The following MYLK2 variants were observed in gnomAD, a reference collection of about 807,000 sequenced individuals.
MYLK2 encodes myosin light chain kinase 2.
MYLK2 carries 27 observed loss-of-function variants against 58.2 expected under a neutral mutation model. That is an observed-to-expected ratio of 0.46 (90% CI 0.34 to 0.64). MYLK2 has a LOEUF of 0.64. Among genes scored for constraint, MYLK2 ranks in the 30% least tolerant of loss-of-function variants. The pLI, the probability that MYLK2 is intolerant of heterozygous loss-of-function variation, is 0.01. For missense variants in MYLK2, 676 were observed against 764.3 expected (o/e 0.88, Z 1.36); for synonymous variants, 310 against 296.7 (o/e 1.04, Z -0.46).
chr20:31,821,760 C>T (rs1453585872), intron 4 of MYLK2, 23 bp downstream of exon 4: 10 of 1,523,390 alleles, frequency 6.6e-6, no homozygotes, highest in Non-Finnish European at 8.1e-6. Flanking sequence ...CAGGTGGGGG[C>T]TGGGGCTGCC....
intron 6 of MYLK2, among the ~76,000 whole-genome samples, chr20:31,825,492 G>A (rs930359403): frequency 6.6e-6 from 1 of 152,068 alleles, no homozygotes; most frequent in Non-Finnish European, 1.5e-5. Flanking sequence ...ATGCTACAGT[G>A]GAGGGAGAGA....
intron 8 of MYLK2, chr20:31,827,381 C>G (rs2062286112): frequency 2.2e-5 from 22 of 985,276 alleles, no homozygotes; most frequent in Non-Finnish European, 2.7e-5. Flanking sequence ...AGGCAATGCT[C>G]TAGGTGGTGG....
intron 8 of MYLK2, 90 bp from the exon 9 acceptor site, chr20:31,830,729 C>T (rs1029479045): frequency 2.0e-5 from 27 of 1,368,666 alleles, no homozygotes; most frequent in Non-Finnish European, 2.8e-5. Context: ...TGGGCCTCTG[C>T]CTCAAGGAGC....
chr20:31,831,771 A>C lies in MYLK2; in HGVS notation c.1493A>C (p.Asn498Thr). The C allele has an allele frequency of 6.2e-7, 1 of 1,614,100 alleles. No homozygotes were observed. ...TETLNNVLSGNWYFDEETFEA... is the reference protein window; with the variant it reads ...TETLNNVLSGTWYFDEETFEA... ...ACCCTAAACAACGTTCTATCTGGCA[A>C]CTGGTACTTTGATGAAGAGACCTTT... Residue 498 changes from asparagine to threonine, a missense_variant, in exon 11 of 13, where the codon AAC (asparagine) becomes ACC (threonine). Around this residue, in one of 2 missense-constraint regions of MYLK2, gnomAD observed 370 missense variants for 467.8 expected, o/e 0.79. Coordinates refer to ENST00000375985, the MANE Select transcript of MYLK2 (RefSeq NM_033118.4).
chr20:31,822,627 T>C (rs549544547), intron 4 of MYLK2, among the ~76,000 whole-genome samples: 107 of 150,990 alleles, frequency 7.1e-4, no homozygotes, highest in African/African-American at 2.6e-3. Context: ...TGAGATGGGG[T>C]CAGGAGAACC....
chr20:31,828,736 T>A, intron 8 of MYLK2: 1 of 985,154 alleles, frequency 1.0e-6, no homozygotes, highest in African/African-American at 1.7e-5. Context: ...TGCCCGACAC[T>A]GTCTGAGTGA....
At chr20:31,828,473 T>A in intron 8 of MYLK2, 1 of 985,222 alleles carries the variant, frequency 1.0e-6, no homozygotes, top group Non-Finnish European at 1.2e-6. Context: ...GCTGGGTACC[T>A]GCTCCTGGAA....
In MYLK2 at chr20:31,830,852, C is replaced by T. The variant is rs1197816369; in HGVS notation, c.1258C>T (p.His420Tyr). 1 of 1,499,216 alleles carries T rather than the reference C, an allele frequency of 6.7e-7. No homozygotes were observed. The highest frequency in any genetic ancestry group is 9.0e-7 in the Non-Finnish European group (1 of 1,109,440). 92.9% of individuals were successfully genotyped at this position (1,499,216 alleles called of 1,614,324 possible). A position where few individuals can be genotyped will look rare whatever the true frequency, so the allele number is the denominator to read the frequency against. Residue 420 changes from histidine to tyrosine, a missense_variant, in exon 9 of 13, where the codon CAT becomes TAT. This residue lies in a region of MYLK2 where 370 missense variants were observed against 467.8 expected (regional missense o/e 0.79). Coordinates refer to ENST00000375985, the MANE Select transcript of MYLK2 (RefSeq NM_033118.4). ...CATCCTGTGTGTCAACACCACCGGG[C>T]ATTTGGTGAAGATCATTGACTTTGG... is the stretch of plus-strand genomic sequence containing the variant. The part of the protein sequence containing the change: ...ENILCVNTTG[H>Y]LVKIIDFGLA...
chr20:31,822,484 C>A (rs999527568), intron 4 of MYLK2, among the ~76,000 whole-genome samples: 1 of 152,126 alleles, frequency 6.6e-6, no homozygotes, highest in Non-Finnish European at 1.5e-5. Context: ...TGTGGAGTGG[C>A]CTTCATTGAT....
intron 6 of MYLK2, among the ~76,000 whole-genome samples, chr20:31,825,854 A>G (rs1246875645): frequency 6.6e-6 from 1 of 152,212 alleles, no homozygotes; most frequent in Non-Finnish European, 1.5e-5. Flanking sequence ...TATAGCCGAT[A>G]TATCAGCCTA....
intron 12 of MYLK2, 88 bp downstream of exon 12, chr20:31,832,224 G>T: frequency 6.5e-7 from 1 of 1,538,992 alleles, no homozygotes. Flanking sequence ...TCCCTGCCTT[G>T]GCAGGTTCTG....
At chr20:31,827,340 AC>A (rs1348311801) in intron 8 of MYLK2, 1 of 985,152 alleles carries the variant, frequency 1.0e-6, no homozygotes, top group African/African-American at 1.7e-5. Flanking sequence ...TTCAAAAGCA[AC>A]AAATATTTCT....
intron 12 of MYLK2, 77 bp downstream of exon 12, chr20:31,832,213 G>A (rs1272238997): frequency 4.8e-5 from 74 of 1,552,396 alleles, no homozygotes; most frequent in East Asian, 7.0e-5. Flanking sequence ...AGCCTCCACC[G>A]TCCCTGCCTT....
Position 31,820,427 on chromosome 20 carries a change from A to G in MYLK2, c.354A>G (p.Ser118=), listed in dbSNP as rs1321078642. Residue 118 remains serine (S), a synonymous_variant, in exon 3 of 13, where the codon TCA becomes TCG. Transcript: ENST00000375985. ...VKKPKAEQGA[S]GSQDPGKPRV... The stretch of plus-strand genomic sequence containing the variant: ...AGCCCAAGGCTGAGCAGGGAGCCTC[A>G]GGCAGCCAGGATCCTGGAAAGCCCA... The G allele has an allele frequency of 6.2e-7, 1 of 1,612,826 alleles. No individual in the cohort carries two copies. The highest frequency in any genetic ancestry group is 8.5e-7 in the Non-Finnish European group (1 of 1,179,924).
At chr20:31,825,029 G>A (rs539774709) in intron 6 of MYLK2, among the ~76,000 whole-genome samples, 20 of 152,290 alleles carry the variant, frequency 1.3e-4, no homozygotes, top group African/African-American at 4.6e-4. Context: ...GAAGGCAGGG[G>A]CAGAGTTTCA....
chr20:31,822,530 G>A (rs932191581), intron 4 of MYLK2, among the ~76,000 whole-genome samples: 1 of 152,166 alleles, frequency 6.6e-6, no homozygotes, highest in African/African-American at 2.4e-5. Context: ...TTCATGGGCT[G>A]CAGAGAGCAC....
intron 6 of MYLK2, chr20:31,824,609 C>G (rs2062269553): frequency 1.1e-6 from 1 of 948,556 alleles, no homozygotes; most frequent in Non-Finnish European, 1.3e-6. Flanking sequence ...TTCATGCCCT[C>G]TGGTTCAATT....
Position 31,824,276 on chromosome 20 carries a change from T to C in MYLK2, c.896T>C (p.Val299Ala). 10 of 1,613,590 alleles carry C rather than the reference T, an allele frequency of 6.2e-6. No homozygotes were observed. Among genetic ancestry groups the C allele is most frequent in the Non-Finnish European group, 8.5e-6 (10 of 1,179,808 alleles). ...CTTTCCAGTGGCAAGTTTGGGGCAGTCTGTACCTGCATGGAGAAAGCCACA... is the reference window on the plus strand; with the variant it reads ...CTTTCCAGTGGCAAGTTTGGGGCAGCCTGTACCTGCATGGAGAAAGCCACA... ...EALGGGKFGA[V>A]CTCMEKATGL... Residue 299 changes from valine (V) to alanine (A), a missense_variant, in exon 6 of 13, where the codon GTC becomes GCC. Val to Ala is a moderately conservative substitution (Grantham distance 64). Transcript: ENST00000375985.
At chr20:31,830,738 G>A in intron 8 of MYLK2, 81 bp from the exon 9 acceptor site, 1 of 1,446,640 alleles carries the variant, frequency 6.9e-7, no homozygotes, top group Non-Finnish European at 9.7e-7. Flanking sequence ...GCCTCAAGGA[G>A]CCTGGGGTTT....
Sources: allele counts gnomAD v4.1 joint callset (sites outside exome capture counted in the v4.1 genomes callset), GRCh38; gene constraint gnomAD v4.1.1; regional missense constraint gnomAD v4.1.1; transcripts MANE v1.5; gene names NCBI Gene and HGNC (gene_info 2026-07-23, HGNC 2026-07-21).